LDLRAD4: variants seen among roughly 807,000 people sequenced by gnomAD.
The protein encoded by LDLRAD4 is low density lipoprotein receptor class A domain containing 4.
LDLRAD4 carries 5 observed loss-of-function variants against 17.0 expected under a neutral mutation model. The ratio of observed to expected loss-of-function variants is 0.29; its 90% CI spans 0.15 to 0.62. The LOEUF (loss-of-function observed/expected upper bound fraction) is 0.62, where lower values mean the gene tolerates loss of function less well. Ranked by LOEUF, LDLRAD4 falls within the 20% of genes least tolerant of loss-of-function variation. The pLI, the probability that LDLRAD4 is intolerant of heterozygous loss-of-function variation, is 0.84. For synonymous variants in LDLRAD4, 168 were observed against 171.8 expected (o/e 0.98, Z 0.17); for missense variants, 340 against 424.7 (o/e 0.80, Z 1.75).
chr18:13,459,608 C>T (rs888642968), intron 3 of LDLRAD4, among the ~76,000 whole-genome samples: 5 of 152,080 alleles, frequency 3.3e-5, no homozygotes, highest in African/African-American at 1.2e-4. Context: ...GTCTCAAACT[C>T]CTGGCCTCAG....
At position 13,236,981 on chromosome 18, in the gene LDLRAD4, G is replaced by T. The variant is rs75418987; in HGVS notation, c.-467+17993G>T. 3.6e-3 allele frequency among the ~76,000 whole-genome samples: 546 copies of T among 152,286 alleles called. 5 individuals are homozygous for T. The highest frequency in any genetic ancestry group is 0.012 in the African/African-American group (514 of 41,544). Reference sequence around the variant, plus strand: ...GTGCTTGGGGGCATAATGTGTGCAGGTAGAGTTCTGTTTTATATTTAATGG... The same window carrying T: ...GTGCTTGGGGGCATAATGTGTGCAGTTAGAGTTCTGTTTTATATTTAATGG... On this transcript the variant is annotated intron_variant, in intron 1 of 5. Transcript: ENST00000399848.
chr18:13,280,900 C>T (rs571427289), intron 1 of LDLRAD4, among the ~76,000 whole-genome samples: 103 of 152,326 alleles, frequency 6.8e-4, no homozygotes, highest in African/African-American at 2.5e-3. Context: ...CCAGGCAATG[C>T]ATCCCGACCT....
At chr18:13,298,757 G>A (rs147690242) in intron 1 of LDLRAD4, among the ~76,000 whole-genome samples, 28 of 152,354 alleles carry the variant, frequency 1.8e-4, no homozygotes, top group African/African-American at 6.0e-4. Context: ...CGGACAGGAC[G>A]TGCTGCGGGG....
intron 2 of LDLRAD4, among the ~76,000 whole-genome samples, chr18:13,404,214 G>T (rs994987867): frequency 6.6e-6 from 1 of 152,218 alleles, no homozygotes; most frequent in Admixed American, 6.5e-5. Flanking sequence ...GAGGTGTGTC[G>T]GGGGTGCCGT....
chr18:13,393,668 T>A (rs771658687), intron 2 of LDLRAD4, among the ~76,000 whole-genome samples: 4 of 152,208 alleles, frequency 2.6e-5, no homozygotes, highest in African/African-American at 9.7e-5. Flanking sequence ...GTTCTGCCGA[T>A]GCTCTTTAGA....
At chr18:13,401,530 G>A (rs2087198532) in intron 2 of LDLRAD4, among the ~76,000 whole-genome samples, 1 of 152,140 alleles carries the variant, frequency 6.6e-6, no homozygotes, top group African/African-American at 2.4e-5. Context: ...GTTGGGGGTT[G>A]GGCGGACTCT....
At chr18:13,307,348 T>C (rs1243613619) in intron 1 of LDLRAD4, among the ~76,000 whole-genome samples, 1 of 152,204 alleles carries the variant, frequency 6.6e-6, no homozygotes, top group Non-Finnish European at 1.5e-5. Flanking sequence ...TGAAGAACTT[T>C]ATGATGGTTC....
At chr18:13,537,680 C>A (rs2094219142) in intron 3 of LDLRAD4, among the ~76,000 whole-genome samples, 1 of 152,126 alleles carries the variant, frequency 6.6e-6, no homozygotes, top group Non-Finnish European at 1.5e-5. Flanking sequence ...GCTGCTCCAA[C>A]CACCATTATA....
At chr18:13,369,245 A>G (rs905120257) in intron 1 of LDLRAD4, among the ~76,000 whole-genome samples, 3 of 152,214 alleles carry the variant, frequency 2.0e-5, no homozygotes, top group African/African-American at 7.2e-5. Flanking sequence ...GTAAGTGTTT[A>G]TAGAGCACCT....
intron 2 of LDLRAD4, among the ~76,000 whole-genome samples, chr18:13,415,845 T>C (rs1453041371): frequency 1.3e-5 from 2 of 152,230 alleles, no homozygotes; most frequent in African/African-American, 4.8e-5. Flanking sequence ...GGAGGGGTGC[T>C]CCCTCTATGC....
Position 13,300,883 on chromosome 18 carries a change from G to A in LDLRAD4, c.-383+22695G>A, listed in dbSNP as rs890841096. ...AAGGAAGGGTGGTGAACTGGGAGCC[G>A]GCAGCGCGTCCCAGCGCTGAACCCG... On this transcript the variant is annotated intron_variant, in intron 1 of 5. Coordinates refer to ENST00000359446, the Ensembl canonical transcript of LDLRAD4. This position sits in a 1 kb window ranked among gnomAD's most constrained non-coding sequence, Gnocchi z 4.2. 6.6e-6 allele frequency among the ~76,000 whole-genome samples: 1 copy of A among 152,246 alleles called. No individual in the cohort carries two copies. The highest frequency in any genetic ancestry group is 2.4e-5 in the African/African-American group (1 of 41,472).
rs143419624 is a variant in LDLRAD4, at chr18:13,363,259, G to C, written c.-382-24082G>C. ...AGGCAGGAGAATGGCGTGAACCTGG[G>C]AAGTGGAGCTTGCAGTGAGCCGAGA... is the stretch of plus-strand genomic sequence containing the variant. On this transcript the variant is annotated intron_variant, in intron 1 of 5. Transcript: ENST00000359446. Among the ~76,000 whole-genome samples the C allele has an allele frequency of 3.6e-3, 538 of 149,554 alleles. 2 individuals are homozygous for C. The highest frequency in any genetic ancestry group is 0.017 in the Middle Eastern group (5 of 286).
At chr18:13,385,622 A>G (rs1487858314) in intron 1 of LDLRAD4, among the ~76,000 whole-genome samples, 2 of 152,346 alleles carry the variant, frequency 1.3e-5, no homozygotes, top group East Asian at 3.9e-4. Context: ...TTTGCACACC[A>G]AAAGCATCAT....
At chr18:13,284,715 G>A (rs540424482) in intron 1 of LDLRAD4, among the ~76,000 whole-genome samples, 17 of 152,250 alleles carry the variant, frequency 1.1e-4, no homozygotes, top group Admixed American at 2.0e-4. Flanking sequence ...CCTCTGGTGC[G>A]GTTTGGGGGG....
chr18:13,622,948 G>A lies in LDLRAD4; in HGVS notation c.336+1677G>A, dbSNP rs1258035815. ...GGAGTTTTCTGTCCCCTGCCTGGGC[G>A]CTCCCCAGTCTTCCTCCCAGACTTG... On this transcript the variant is annotated intron_variant, in intron 4 of 5. Coordinates refer to ENST00000359446, the Ensembl canonical transcript of LDLRAD4. The surrounding 1 kb of genome is among the most constrained non-coding windows in gnomAD (Gnocchi z 5.3). Among the ~76,000 whole-genome samples, 5 of 152,146 alleles carry A rather than the reference G, an allele frequency of 3.3e-5. No homozygotes were observed. The highest frequency in any genetic ancestry group is 2.1e-4 in the South Asian group (1 of 4,826).
chr18:13,322,035 A>C (rs1478420885), intron 1 of LDLRAD4, among the ~76,000 whole-genome samples: 1 of 151,342 alleles, frequency 6.6e-6, no homozygotes, highest in Non-Finnish European at 1.5e-5. Context: ...TGTTCTTTTT[A>C]TTGAAACACA....
At chr18:13,612,404 G>A in intron 3 of LDLRAD4, 2 of 1,207,362 alleles carry the variant, frequency 1.7e-6, no homozygotes, top group Non-Finnish European at 2.1e-6. Context: ...GCTTCCTGCC[G>A]CAGAGCTCCT....
chr18:13,457,710 T>G (rs8087070), intron 3 of LDLRAD4, among the ~76,000 whole-genome samples: 1 of 152,012 alleles, frequency 6.6e-6, no homozygotes, highest in East Asian at 1.9e-4. Context: ...GCACCACCAC[T>G]TCTCCCCGTG....
chr18:13,262,026 G>A (rs995448072), intron 1 of LDLRAD4, among the ~76,000 whole-genome samples: 2,489 of 150,776 alleles, frequency 0.017, 56 homozygotes, highest in African/African-American at 0.057. Flanking sequence ...GCTGAGTCCC[G>A]TGTGGCTCTG....
Sources: gnomAD v4.1 joint callset for allele counts (sites outside exome capture counted in the v4.1 genomes callset) on GRCh38, gnomAD v4.1.1 for gene constraint, Gnocchi (gnomAD v3.1) non-coding constraint, MANE v1.5 for transcripts, NCBI Gene and HGNC (gene_info 2026-07-23, HGNC 2026-07-21) for gene names.